Variants in LRRC4C observed in about 807,000 individuals in gnomAD.
LRRC4C encodes leucine rich repeat containing 4C.
Under a neutral mutation model 33.6 loss-of-function variants are expected in LRRC4C, and 5 were observed. The observed-to-expected ratio is 0.15, with a 90% CI of 0.08 to 0.31. The LOEUF is 0.31. Ranked by LOEUF, LRRC4C falls within the 10% of genes least tolerant of loss-of-function variation. The pLI is 1.00. For synonymous variants in LRRC4C, 329 were observed against 302.0 expected, an observed-to-expected ratio of 1.09 and a Z score of -0.93; for missense variants, 560 against 796.7, an observed-to-expected ratio of 0.70 and a Z score of 3.58.
intron 2 of LRRC4C, among the ~76,000 whole-genome samples, chr11:40,668,593 C>T (rs1049729183): frequency 3.3e-5 from 5 of 152,132 alleles, no homozygotes; most frequent in Admixed American, 6.5e-5. Flanking sequence ...TTTCTACTGA[C>T]GATTTTTCAT....
chr11:40,371,060 A>C (rs181963501), intron 3 of LRRC4C, among the ~76,000 whole-genome samples: 1 of 152,282 alleles, frequency 6.6e-6, no homozygotes, highest in African/African-American at 2.4e-5. Flanking sequence ...TCACTTTTGC[A>C]TAAGAAGTGC....
At chr11:41,135,713 C>A (rs1943226926) in intron 1 of LRRC4C, among the ~76,000 whole-genome samples, 1 of 152,102 alleles carries the variant, frequency 6.6e-6, no homozygotes, top group African/African-American at 2.4e-5. Context: ...ATAAAAGTGA[C>A]AACACTTATG....
At chr11:40,378,138 T>A (rs2137317271) in intron 3 of LRRC4C, among the ~76,000 whole-genome samples, 1 of 152,184 alleles carries the variant, frequency 6.6e-6, no homozygotes, top group Non-Finnish European at 1.5e-5. Context: ...GACATCAAAC[T>A]TTAAAACTAG....
At chr11:40,710,771 C>T (rs35077705) in intron 2 of LRRC4C, among the ~76,000 whole-genome samples, 5,560 of 152,298 alleles carry the variant, frequency 0.037, 99 homozygotes, top group Middle Eastern at 0.054. Flanking sequence ...GAAGTTTCTG[C>T]TGCCTTTTGT....
chr11:40,978,534 C>T (rs964759962), intron 1 of LRRC4C, among the ~76,000 whole-genome samples: 1 of 152,070 alleles, frequency 6.6e-6, no homozygotes, highest in Non-Finnish European at 1.5e-5. Flanking sequence ...GCCCCCTTCA[C>T]AACAAAAGAT....
chr11:41,431,412 G>A (rs1159009045), intron 1 of LRRC4C, among the ~76,000 whole-genome samples: 1 of 151,934 alleles, frequency 6.6e-6, no homozygotes, highest in Non-Finnish European at 1.5e-5. Context: ...AAGGAAGGAA[G>A]GAGCCATATT....
At chr11:41,321,586 G>T (rs1415027303) in intron 1 of LRRC4C, among the ~76,000 whole-genome samples, 1 of 152,100 alleles carries the variant, frequency 6.6e-6, no homozygotes, top group Non-Finnish European at 1.5e-5. Flanking sequence ...TAATGATCTT[G>T]TGCCAGCCAC....
At chr11:40,900,266 GT>G (rs1214805312) in intron 2 of LRRC4C, among the ~76,000 whole-genome samples, 1 of 152,030 alleles carries the variant, frequency 6.6e-6, no homozygotes, top group African/African-American at 2.4e-5. Flanking sequence ...CTTCAGGTGG[GT>G]TTGTGTGTTG....
intron 1 of LRRC4C, among the ~76,000 whole-genome samples, chr11:41,446,035 TA>T (rs750771096): frequency 7.2e-4 from 109 of 152,180 alleles, no homozygotes; most frequent in Non-Finnish European, 1.3e-3. Flanking sequence ...ATTTGTTGAA[TA>T]AAAAAATGAC....
chr11:40,708,368 C>A (rs1946279198), intron 2 of LRRC4C, among the ~76,000 whole-genome samples: 1 of 152,184 alleles, frequency 6.6e-6, no homozygotes, highest in African/African-American at 2.4e-5. Flanking sequence ...AAATTTCCCT[C>A]TACACACTGC....
chr11:40,943,895 C>A (rs1334925778), intron 1 of LRRC4C, among the ~76,000 whole-genome samples: 1 of 152,314 alleles, frequency 6.6e-6, no homozygotes, highest in East Asian at 1.9e-4. Context: ...CCCTCTTCCC[C>A]AATTTCACTT....
At chr11:40,589,699 C>T (rs1237855161) in intron 3 of LRRC4C, among the ~76,000 whole-genome samples, 2,357 of 151,316 alleles carry the variant, frequency 0.016, 68 homozygotes, top group African/African-American at 0.054. Flanking sequence ...TCAGCATTTG[C>T]TTGTCTGTAA....
chr11:40,915,134 A>G (rs868536329), intron 2 of LRRC4C, among the ~76,000 whole-genome samples: 9 of 152,098 alleles, frequency 5.9e-5, no homozygotes, highest in South Asian at 2.1e-4. Context: ...GGTAATTTAT[A>G]GATTCAATGC....
At chr11:40,287,401 G>T (rs1321759210) in intron 4 of LRRC4C, among the ~76,000 whole-genome samples, 2 of 151,874 alleles carry the variant, frequency 1.3e-5, no homozygotes, top group African/African-American at 4.8e-5. Flanking sequence ...ATACACTCTT[G>T]TATGTGCATG....
chr11:40,598,929 T>C (rs1959675191), intron 3 of LRRC4C, among the ~76,000 whole-genome samples: 1 of 152,174 alleles, frequency 6.6e-6, no homozygotes. Context: ...CTCCAGGACT[T>C]AGAATAAAAT....
At chr11:40,767,650 C>A (rs183821933) in intron 2 of LRRC4C, among the ~76,000 whole-genome samples, 27 of 151,882 alleles carry the variant, frequency 1.8e-4, no homozygotes, top group African/African-American at 6.3e-4. Flanking sequence ...TAAAATAAAA[C>A]TAGAAATAAT....
chr11:40,440,668 G>T (rs1175672107), intron 3 of LRRC4C, among the ~76,000 whole-genome samples: 1 of 152,010 alleles, frequency 6.6e-6, no homozygotes, highest in Non-Finnish European at 1.5e-5. Context: ...TTCATACAAG[G>T]TAATAAAGAT....
chr11:41,215,014 G>GTATATATATATATATATATA (rs34328057), intron 1 of LRRC4C, among the ~76,000 whole-genome samples: 34 of 131,076 alleles, frequency 2.6e-4, no homozygotes, highest in African/African-American at 9.8e-4. Context: ...TTTTATTCAT[G>GTATATATATATATATATATA]TATATATATA....
intron 1 of LRRC4C, among the ~76,000 whole-genome samples, chr11:40,989,980 A>G (rs938594790): frequency 1.3e-5 from 2 of 151,782 alleles, no homozygotes; most frequent in South Asian, 2.1e-4. Context: ...GATTTAAAGT[A>G]TAAGGGAGGA....
Sources: allele counts gnomAD v4.1 joint callset (sites outside exome capture counted in the v4.1 genomes callset), GRCh38; gene constraint gnomAD v4.1.1; transcripts MANE v1.5; gene names NCBI Gene and HGNC (gene_info 2026-07-23, HGNC 2026-07-21).